Variants in PTBP2 observed in about 807,000 individuals in gnomAD.
PTBP2 encodes polypyrimidine tract binding protein 2, also known as polypyrimidine tract-binding protein 2.
In PTBP2, 13 loss-of-function variants were observed where a neutral mutation model predicts 61.4. The observed-to-expected ratio is 0.21, with a 90% CI of 0.14 to 0.34. The LOEUF (loss-of-function observed/expected upper bound fraction) is 0.34. Among genes scored for constraint, PTBP2 ranks in the 10% least tolerant of loss-of-function variants. The pLI, the probability that PTBP2 is intolerant of heterozygous loss-of-function variation, is 1.00. For missense variants in PTBP2, 405 were observed against 642.6 expected, an observed-to-expected ratio of 0.63 and a Z score of 4.00; for synonymous variants, 215 against 218.5, an observed-to-expected ratio of 0.98 and a Z score of 0.14.
chr1:96,808,357 GTC>G (rs1350528814), intron 11 of PTBP2, among the ~76,000 whole-genome samples: 3 of 152,140 alleles, frequency 2.0e-5, no homozygotes, highest in Admixed American at 1.3e-4. Flanking sequence ...TTCTGGTGAG[GTC>G]TCTCTTGGCT....
intron 11 of PTBP2, among the ~76,000 whole-genome samples, chr1:96,808,550 G>T (rs1016797727): frequency 1.3e-5 from 2 of 152,074 alleles, no homozygotes; most frequent in Admixed American, 1.3e-4. Context: ...TACATTGGGG[G>T]TTAGGACTTC....
intron 11 of PTBP2, among the ~76,000 whole-genome samples, chr1:96,810,485 A>G (rs1269178587): frequency 6.6e-6 from 1 of 152,164 alleles, no homozygotes; most frequent in African/African-American, 2.4e-5. Context: ...TCAGCTGGCT[A>G]GAACTCTCTT....
At chr1:96,778,580 C>G (rs1658304483) in intron 7 of PTBP2, among the ~76,000 whole-genome samples, 1 of 152,028 alleles carries the variant, frequency 6.6e-6, no homozygotes. Flanking sequence ...TATCTTAAAT[C>G]TACTTTTGCT....
chr1:96,775,758 A>G (rs1346435896), intron 5 of PTBP2, among the ~76,000 whole-genome samples: 1 of 152,174 alleles, frequency 6.6e-6, no homozygotes, highest in African/African-American at 2.4e-5. Context: ...ACACTGCTCC[A>G]TGAATTATAA....
At chr1:96,822,982 A>G (rs939678022) in exon 14 of PTBP2, 4 of 133,268 alleles carry the variant, frequency 3.0e-5, no homozygotes, top group African/African-American at 1.1e-4. Flanking sequence ...TTTTTCTGAG[A>G]GAGAGTCTTG....
At chr1:96,785,334 A>G (rs1659096708) in intron 8 of PTBP2, 80 bp downstream of exon 8, 2 of 1,125,374 alleles carry the variant, frequency 1.8e-6, no homozygotes, top group East Asian at 2.8e-5. Flanking sequence ...GAATCCCCCC[A>G]TTTTGGACCT....
In PTBP2 at chr1:96,769,750, G is replaced by A; in HGVS notation, c.163G>A (p.Gly55Ser). ...KKFKGEDKMD[G>S]APSRVLHIRK... ...ATTTAAAGGAGAAGATAAAATGGAT[G>A]GTGCTCCTTCTCGTGTACTTCATAT... The change falls in exon 4 of 14, where the codon GGT (glycine) becomes AGT (serine). Residue 55 changes from glycine to serine, a missense_variant. Coordinates refer to ENST00000674951, the MANE Select transcript of PTBP2 (RefSeq NM_021190.4). 1.2e-6 allele frequency: 2 copies of A among 1,606,884 alleles called. No individual in the cohort carries two copies. The highest frequency in any genetic ancestry group is 2.7e-5 in the African/African-American group (2 of 74,660).
At chr1:96,761,869 A>G (rs534010566) in intron 3 of PTBP2, among the ~76,000 whole-genome samples, 1 of 152,092 alleles carries the variant, frequency 6.6e-6, no homozygotes, top group Non-Finnish European at 1.5e-5. Context: ...TGGTTTTCCT[A>G]GGCAGAGGAC....
intron 3 of PTBP2, among the ~76,000 whole-genome samples, chr1:96,766,957 A>G (rs528764631): frequency 1.3e-5 from 2 of 152,282 alleles, no homozygotes; most frequent in East Asian, 3.9e-4. Flanking sequence ...CTTAGTAACT[A>G]TCTAATCTTG....
At chr1:96,809,874 A>G (rs1661879970) in intron 11 of PTBP2, among the ~76,000 whole-genome samples, 1 of 152,180 alleles carries the variant, frequency 6.6e-6, no homozygotes, top group South Asian at 2.1e-4. Context: ...CCCCCAGGGA[A>G]GGAGATATTA....
intron 3 of PTBP2, among the ~76,000 whole-genome samples, chr1:96,752,912 T>G (rs1474124227): frequency 1.3e-5 from 2 of 152,146 alleles, no homozygotes; most frequent in Non-Finnish European, 2.9e-5. Context: ...ATGAACACTC[T>G]GGCTTTCTGT....
At chr1:96,734,159 G>A (rs2100820689) in intron 2 of PTBP2, among the ~76,000 whole-genome samples, 1 of 152,178 alleles carries the variant, frequency 6.6e-6, no homozygotes, top group African/African-American at 2.4e-5. Context: ...AGACACAATA[G>A]TATCATGAAC....
exon 14 of PTBP2, chr1:96,821,758 A>G (rs1335570755): frequency 2.6e-5 from 4 of 152,164 alleles, no homozygotes; most frequent in South Asian, 2.1e-4. Flanking sequence ...CCTTCCGAGT[A>G]GCTGGAATTA....
At chr1:96,741,681 T>G (rs1570745673) in intron 2 of PTBP2, among the ~76,000 whole-genome samples, 1 of 152,216 alleles carries the variant, frequency 6.6e-6, no homozygotes, top group Admixed American at 6.5e-5. Context: ...AAAAAAACAT[T>G]TAACCTAAGG....
At chr1:96,726,809 T>C (rs1344046184) in intron 2 of PTBP2, among the ~76,000 whole-genome samples, 3 of 152,152 alleles carry the variant, frequency 2.0e-5, no homozygotes, top group Non-Finnish European at 4.4e-5. Flanking sequence ...GGTCTTGATC[T>C]CTTGACTCCA....
intron 2 of PTBP2, among the ~76,000 whole-genome samples, chr1:96,731,320 C>T (rs1403527423): frequency 4.6e-5 from 7 of 152,022 alleles, no homozygotes; most frequent in East Asian, 1.9e-4. Context: ...TTTCCATACC[C>T]TTGGCAATTC....
At chr1:96,781,631 T>C (rs1003419989) in intron 7 of PTBP2, among the ~76,000 whole-genome samples, 2 of 152,082 alleles carry the variant, frequency 1.3e-5, no homozygotes, top group African/African-American at 4.8e-5. Context: ...ATAAGTCTTC[T>C]GTAACATTTC....
At chr1:96,724,187 T>C (rs1650044530) in intron 2 of PTBP2, among the ~76,000 whole-genome samples, 1 of 152,166 alleles carries the variant, frequency 6.6e-6, no homozygotes, top group Non-Finnish European at 1.5e-5. Flanking sequence ...TAAACTTTAG[T>C]TCTAATGCTT....
intron 7 of PTBP2, among the ~76,000 whole-genome samples, chr1:96,778,623 CATT>C (rs1170032561): frequency 2.6e-5 from 4 of 151,946 alleles, no homozygotes; most frequent in Non-Finnish European, 5.9e-5. Context: ...CATAGTATCT[CATT>C]ATTATTACTA....
Sources: allele counts gnomAD v4.1 joint callset (sites outside exome capture counted in the v4.1 genomes callset), GRCh38; gene constraint gnomAD v4.1.1; transcripts MANE v1.5; gene names NCBI Gene and HGNC (gene_info 2026-07-23, HGNC 2026-07-21).